The following TASOR2 variants were observed in gnomAD, a reference collection of about 807,000 sequenced individuals.
TASOR2 encodes protein TASOR 2.
In TASOR2, 84 loss-of-function variants were observed where a neutral mutation model predicts 199.5. The ratio of observed to expected loss-of-function variants is 0.42; its 90% CI spans 0.35 to 0.50. TASOR2 has a LOEUF of 0.50. Ranked by LOEUF, TASOR2 falls within the 20% of genes least tolerant of loss-of-function variation. The pLI, the probability that TASOR2 is intolerant of heterozygous loss-of-function variation, is 0.02. For synonymous variants in TASOR2, 1,103 were observed against 1,046.6 expected, an observed-to-expected ratio of 1.05 and a Z score of -1.04; for missense variants, 2,796 against 2,835.9, an observed-to-expected ratio of 0.99 and a Z score of 0.32.
In TASOR2 at chr10:5,722,802, G is replaced by A. The variant is rs1455328821; in HGVS notation, c.147-875G>A. Among the ~76,000 whole-genome samples, 3 of 152,016 alleles carry A rather than the reference G, an allele frequency of 2.0e-5. No individual in the cohort carries two copies. Among genetic ancestry groups the A allele is most frequent in the Admixed American group, 6.6e-5 (1 of 15,262 alleles). On this transcript the variant is annotated intron_variant, in intron 6 of 20. Transcript: ENST00000328090. This position sits in a 1 kb window ranked among gnomAD's most constrained non-coding sequence, Gnocchi z 4.0. ...GTGAGCAGATTGCCTGAGGTCAGGA[G>A]TTGGAAACCAGCCTGGCCAATACGG...
rs995348005 is a variant in TASOR2, at chr10:5,710,566, C to T, written c.-287-2257C>T. On this transcript the variant is annotated intron_variant, in intron 1 of 20. Coordinates refer to ENST00000328090, the Ensembl canonical transcript of TASOR2. This position sits in a 1 kb window ranked among gnomAD's most constrained non-coding sequence, Gnocchi z 4.6. Reference sequence around the variant, plus strand: ...TCTCTGACCATGTATTTGGGAAACCCTGTATTAGTGTTTTTAATTGCACCA... The same window carrying T: ...TCTCTGACCATGTATTTGGGAAACCTTGTATTAGTGTTTTTAATTGCACCA... 1.3e-5 allele frequency among the ~76,000 whole-genome samples: 2 copies of T among 151,960 alleles called. No homozygotes were observed. The highest frequency in any genetic ancestry group is 2.9e-5 in the Non-Finnish European group (2 of 67,924).
Position 5,706,826 on chromosome 10 carries a change from AATCCC to A in TASOR2, c.-287-5993_-287-5989del, listed in dbSNP as rs1838676867. Among the ~76,000 whole-genome samples, 2 of 152,068 alleles carry A rather than the reference AATCCC, an allele frequency of 1.3e-5. No individual in the cohort carries two copies. Among genetic ancestry groups the A allele is most frequent in the Non-Finnish European group, 2.9e-5 (2 of 68,008 alleles). On this transcript the variant is annotated intron_variant, in intron 1 of 20. Coordinates refer to ENST00000328090, the Ensembl canonical transcript of TASOR2. This position sits in a 1 kb window ranked among gnomAD's most constrained non-coding sequence, Gnocchi z 4.8. ...GAGACCAACCTGGCTAACATGGTGA[AATCCC>A]ATCTCTACTAAAAATACAAAAATTA...
At chr10:5,725,075 T>C (rs923597658) in intron 8 of TASOR2, among the ~76,000 whole-genome samples, 1 of 152,068 alleles carries the variant, frequency 6.6e-6, no homozygotes, top group African/African-American at 2.4e-5. Context: ...AGAGGGTGGG[T>C]AGCATCTACA....
intron 1 of TASOR2, among the ~76,000 whole-genome samples, chr10:5,707,091 G>A (rs1335173289): frequency 9.9e-5 from 15 of 151,852 alleles, no homozygotes; most frequent in Admixed American, 9.2e-4. Context: ...CTAGGATAAC[G>A]TCTCTATCCA....
At chr10:5,729,470 G>T (rs115550226) in intron 10 of TASOR2, among the ~76,000 whole-genome samples, 182 of 152,340 alleles carry the variant, frequency 1.2e-3, no homozygotes, top group African/African-American at 4.2e-3. Flanking sequence ...GGAGGCTGAG[G>T]CAGGTAGATC....
rs1283581906 is a variant in TASOR2 at position 5,710,734 on chromosome 10, T to G, written c.-287-2089T>G. On this transcript the variant is annotated intron_variant, in intron 1 of 20. Transcript: ENST00000328090. This position sits in a 1 kb window ranked among gnomAD's most constrained non-coding sequence, Gnocchi z 4.6. ...CAGTCTTCATTTCCAGAGTTACTTT[T>G]TAAAATATTTCTTTCAGTGTAAACA... 6.6e-6 allele frequency among the ~76,000 whole-genome samples: 1 copy of G among 152,124 alleles called. No homozygotes were observed. Among genetic ancestry groups the G allele is most frequent in the Non-Finnish European group, 1.5e-5 (1 of 67,952 alleles).
chr10:5,730,468 A>G lies in TASOR2; in HGVS notation c.488-19A>G. ...AAAAAATAAACTTCAGATGTTTAAT[A>G]CGTGTGTATATATTCTAGGGGTGAA... On this transcript the variant is annotated intron_variant, in intron 10 of 20. Transcript: ENST00000328090. The surrounding 1 kb of genome is among the most constrained non-coding windows in gnomAD (Gnocchi z 4.1). The G allele has an allele frequency of 3.4e-6, 5 of 1,490,480 alleles. No homozygotes were observed. Among genetic ancestry groups the G allele is most frequent in the Non-Finnish European group, 4.5e-6 (5 of 1,109,966 alleles). The allele number at this position is 1,490,480 out of a possible 1,614,324, so 92.3% of individuals were successfully genotyped here. A position where few individuals can be genotyped will look rare whatever the true frequency, so the allele number is the denominator to read the frequency against.
At chr10:5,709,023 A>G (rs574166277) in intron 1 of TASOR2, among the ~76,000 whole-genome samples, 1 of 152,266 alleles carries the variant, frequency 6.6e-6, no homozygotes, top group Admixed American at 6.5e-5. Flanking sequence ...TTTTTAATGT[A>G]GAGCCTGTTT....
chr10:5,712,272 A>T, intron 1 of TASOR2: 3 of 661,066 alleles, frequency 4.5e-6, no homozygotes, highest in Non-Finnish European at 6.4e-6. Context: ...AAGACAGTAC[A>T]AATATTTCTT....
intron 1 of TASOR2, among the ~76,000 whole-genome samples, chr10:5,707,572 A>C (rs1046079442): frequency 6.6e-6 from 1 of 152,014 alleles, no homozygotes; most frequent in Non-Finnish European, 1.5e-5. Context: ...ACTGAGTCAC[A>C]TGTTTATTCC....
At chr10:5,714,079 T>C (rs548075358) in intron 2 of TASOR2, 56 bp from the exon 3 acceptor site, 1 of 913,202 alleles carries the variant, frequency 1.1e-6, no homozygotes, top group Non-Finnish European at 1.4e-6. Context: ...ACCTTACAGA[T>C]TATAGCATTT....
chr10:5,748,813 G>C lies in TASOR2; in HGVS notation c.5392G>C (p.Gly1798Arg). The C allele has an allele frequency of 6.2e-7, 1 of 1,614,170 alleles. No homozygotes were observed. The highest frequency in any genetic ancestry group is 8.5e-7 in the Non-Finnish European group (1 of 1,180,046). The stretch of plus-strand genomic sequence containing the variant: ...AGAGCACGTAGAAATTGAGAACAGT[G>C]GGGAGGGGCTCAGGGCTGAGGCTGG... The change falls in exon 15 of 21, where the codon GGG becomes CGG. Residue 1798 changes from glycine (G) to arginine (R), a missense_variant. Coordinates refer to ENST00000328090, the Ensembl canonical transcript of TASOR2. This position sits in a 1 kb window ranked among gnomAD's most constrained non-coding sequence, Gnocchi z 5.1.
rs183610607 is a variant in TASOR2 at position 5,744,338 on chromosome 10, T to C, written c.2757+1812T>C. 8.9e-3 allele frequency among the ~76,000 whole-genome samples: 1,351 copies of C among 151,834 alleles called. 26 individuals are homozygous for C. Among genetic ancestry groups the C allele is most frequent in the Admixed American group, 0.045 (688 of 15,252 alleles). On this transcript the variant is annotated intron_variant, in intron 14 of 20. Coordinates refer to ENST00000328090, the Ensembl canonical transcript of TASOR2. ...GTTTTGTTTTGAGAAGTCTCACTCTTGTCTCCCAGGCTGGAGTACAATGGC... is the reference window on the plus strand; with the variant it reads ...GTTTTGTTTTGAGAAGTCTCACTCTCGTCTCCCAGGCTGGAGTACAATGGC...
chr10:5,713,132 A>G (rs1832132810), intron 2 of TASOR2, among the ~76,000 whole-genome samples: 2 of 152,170 alleles, frequency 1.3e-5, no homozygotes, highest in African/African-American at 4.8e-5. Context: ...TTTTATCTGA[A>G]ATACATTTGT....
chr10:5,757,507 TTG>T lies in TASOR2; in HGVS notation c.6733-9_6733-8del. On this transcript the variant is annotated splice_polypyrimidine_tract_variant and intron_variant, in intron 16 of 20. Coordinates refer to ENST00000328090, the Ensembl canonical transcript of TASOR2. ...GAGCCTCTCTTCACCGGGGTCCTTTTTGTGTCATGCAGATTCCTTCTTTGCTG... is the reference window on the plus strand; with the variant it reads ...GAGCCTCTCTTCACCGGGGTCCTTTTTGTCATGCAGATTCCTTCTTTGCTG... The T allele has an allele frequency of 6.3e-7, 1 of 1,586,316 alleles. No homozygotes were observed. The highest frequency in any genetic ancestry group is 1.9e-5 in the Admixed American group (1 of 51,890).
chr10:5,712,426 C>A, intron 1 of TASOR2: 1 of 1,231,626 alleles, frequency 8.1e-7, no homozygotes, highest in Non-Finnish European at 1.0e-6. Context: ...TTCAGACTCT[C>A]TCTTCCAGAG....
chr10:5,706,558 A>AT lies in TASOR2; in HGVS notation c.-287-6265_-287-6264insT. On this transcript the variant is annotated intron_variant, in intron 1 of 20. Coordinates refer to ENST00000328090, the Ensembl canonical transcript of TASOR2. This position sits in a 1 kb window ranked among gnomAD's most constrained non-coding sequence, Gnocchi z 4.8. ...AAATCTTTGATCTATCTTTATCCAG[A>AT]GGATATTGTTAGTTCTCTAGAATTT... 1.3e-5 allele frequency among the ~76,000 whole-genome samples: 2 copies of AT among 152,228 alleles called. No individual in the cohort carries two copies. Among genetic ancestry groups the AT allele is most frequent in the African/African-American group, 4.8e-5 (2 of 41,452 alleles).
Position 5,742,383 on chromosome 10 carries a change from A to T in TASOR2, c.2614A>T (p.Asn872Tyr). The change falls in exon 14 of 21, where the codon AAC (asparagine) becomes TAC (tyrosine). Residue 872 changes from asparagine to tyrosine, a missense_variant. By Grantham distance (143) the Asn-to-Tyr change is moderately radical (BLOSUM62 -2). Transcript: ENST00000328090. This position sits in a 1 kb window ranked among gnomAD's most constrained non-coding sequence, Gnocchi z 4.2. ...TGCTGAAGTATCCTTCCGTGATCCTAACTGCTTGCTTCCTTTCATTAAAAC... is the reference window on the plus strand; with the variant it reads ...TGCTGAAGTATCCTTCCGTGATCCTTACTGCTTGCTTCCTTTCATTAAAAC... The T allele has an allele frequency of 6.2e-7, 1 of 1,614,126 alleles. No individual in the cohort carries two copies. The highest frequency in any genetic ancestry group is 8.5e-7 in the Non-Finnish European group (1 of 1,180,008).
rs1465660831 is a variant in TASOR2 at position 5,719,473 on chromosome 10, G to A, written c.-99-1071G>A. 2.0e-5 allele frequency among the ~76,000 whole-genome samples: 3 copies of A among 152,066 alleles called. No homozygotes were observed. The highest frequency in any genetic ancestry group is 4.1e-4 in the South Asian group (2 of 4,826). The stretch of plus-strand genomic sequence containing the variant: ...TTTTCCTACCTCAGCCTCCCAAGTG[G>A]CTGGGACTACAGGCGCGCGCTACCA... On this transcript the variant is annotated intron_variant, in intron 3 of 20. Coordinates refer to ENST00000328090, the Ensembl canonical transcript of TASOR2. This position sits in a 1 kb window ranked among gnomAD's most constrained non-coding sequence, Gnocchi z 4.1.
Sources: gnomAD v4.1 joint callset for allele counts (sites outside exome capture counted in the v4.1 genomes callset) on GRCh38, gnomAD v4.1.1 for gene constraint, Gnocchi (gnomAD v3.1) non-coding constraint, MANE v1.5 for transcripts, NCBI Gene and HGNC (gene_info 2026-07-23, HGNC 2026-07-21) for gene names.